The following VPS13B variants were observed in gnomAD, a reference collection of about 807,000 sequenced individuals.
The protein encoded by VPS13B is vacuolar protein sorting 13 homolog B, also known as intermembrane lipid transfer protein VPS13B.
In VPS13B, 285 loss-of-function variants were observed where a neutral mutation model predicts 426.4. That is an observed-to-expected ratio of 0.67 (90% CI 0.61 to 0.74). VPS13B has a LOEUF of 0.74. Among genes scored for constraint, VPS13B ranks in the 30% least tolerant of loss-of-function variants. VPS13B has a pLI of 0.00. For missense variants in VPS13B, 4,537 were observed against 4,782.6 expected (o/e 0.95, Z 1.51); for synonymous variants, 1,676 against 1,676.4 (o/e 1.00, Z 0.01).
At chr8:99,197,842 ATGT>A (rs1335698692) in intron 17 of VPS13B, among the ~76,000 whole-genome samples, 1 of 152,082 alleles carries the variant, frequency 6.6e-6, no homozygotes, top group Non-Finnish European at 1.5e-5. Context: ...ATTTAGGAAC[ATGT>A]TGTTTAATTT....
chr8:99,024,540 C>T (rs1842046734), intron 2 of VPS13B, among the ~76,000 whole-genome samples: 1 of 152,122 alleles, frequency 6.6e-6, no homozygotes, highest in South Asian at 2.1e-4. Flanking sequence ...TTTCATGGCA[C>T]CATTGATTGG....
At chr8:99,065,413 A>G (rs1185173818) in intron 3 of VPS13B, among the ~76,000 whole-genome samples, 2 of 152,244 alleles carry the variant, frequency 1.3e-5, no homozygotes, top group African/African-American at 2.4e-5. Flanking sequence ...GACAAAAGCC[A>G]CATGATCGTC....
At chr8:99,029,470 C>G (rs1019693447) in intron 2 of VPS13B, among the ~76,000 whole-genome samples, 2 of 152,106 alleles carry the variant, frequency 1.3e-5, no homozygotes, top group Non-Finnish European at 2.9e-5. Flanking sequence ...CCACTGCACT[C>G]CAGCCTGGGC....
At chr8:99,779,180 T>C (rs1239273061) in intron 42 of VPS13B, 149 bp downstream of exon 42, 1 of 832,930 alleles carries the variant, frequency 1.2e-6, no homozygotes, top group African/African-American at 1.7e-5. Context: ...TGAGGCCTTC[T>C]CTGTTTTGGC....
intron 3 of VPS13B, among the ~76,000 whole-genome samples, chr8:99,083,234 G>T (rs1179570999): frequency 1.3e-5 from 2 of 152,180 alleles, no homozygotes; most frequent in Admixed American, 6.6e-5. Context: ...TTGTGAATGG[G>T]AGTTCACTCA....
chr8:99,037,527 A>G (rs1206933132), intron 2 of VPS13B, among the ~76,000 whole-genome samples: 1 of 152,162 alleles, frequency 6.6e-6, no homozygotes, highest in Non-Finnish European at 1.5e-5. Flanking sequence ...GTATTTAGGC[A>G]TATTGTTACT....
At chr8:99,136,897 C>G in intron 12 of VPS13B, 145 bp downstream of exon 12, 1 of 790,698 alleles carries the variant, frequency 1.3e-6, no homozygotes, top group Non-Finnish European at 2.2e-6. Flanking sequence ...ATTTTAACAT[C>G]ATGTTAGAAT....
chr8:99,180,270 A>G (rs1812873765), intron 16 of VPS13B, among the ~76,000 whole-genome samples: 1 of 152,142 alleles, frequency 6.6e-6, no homozygotes, highest in South Asian at 2.1e-4. Flanking sequence ...TTTGGCTCAT[A>G]TCGAGCAAGT....
chr8:99,013,668 T>C, intron 1 of VPS13B, 92 bp from the exon 2 acceptor site: 1 of 1,236,312 alleles, frequency 8.1e-7, no homozygotes, highest in Non-Finnish European at 1.2e-6. Context: ...ACGGCCGCTT[T>C]GGTGGGGACT....
chr8:99,791,831 ATTTTTTTGGC>A (rs1812552164), intron 43 of VPS13B, among the ~76,000 whole-genome samples: 1 of 151,534 alleles, frequency 6.6e-6, no homozygotes, highest in Non-Finnish European at 1.5e-5. Context: ...TGACTTTCCC[ATTTTTTTGGC>A]TTTGCCTTGA....
At chr8:99,051,100 G>C (rs373788214) in intron 3 of VPS13B, among the ~76,000 whole-genome samples, 1 of 151,966 alleles carries the variant, frequency 6.6e-6, no homozygotes, top group African/African-American at 2.4e-5. Context: ...CATGAAGTCC[G>C]TGCCCATGCC....
chr8:99,393,201 T>C (rs1463637749), intron 21 of VPS13B, among the ~76,000 whole-genome samples: 2 of 152,088 alleles, frequency 1.3e-5, no homozygotes, highest in Non-Finnish European at 2.9e-5. Context: ...ATAGAACTAT[T>C]TAGAATATGC....
intron 16 of VPS13B, among the ~76,000 whole-genome samples, chr8:99,178,060 T>C (rs988333811): frequency 2.0e-5 from 3 of 152,178 alleles, no homozygotes; most frequent in Non-Finnish European, 4.4e-5. Flanking sequence ...GCTTGGTTAG[T>C]AATTATTAAA....
intron 34 of VPS13B, among the ~76,000 whole-genome samples, chr8:99,658,312 A>T (rs1380761897): frequency 6.6e-6 from 1 of 152,154 alleles, no homozygotes; most frequent in Non-Finnish European, 1.5e-5. Context: ...AAACACTAAT[A>T]CTCAGAATAT....
chr8:99,814,550 A>C (rs1291621647), intron 44 of VPS13B, among the ~76,000 whole-genome samples: 1 of 152,186 alleles, frequency 6.6e-6, no homozygotes, highest in Non-Finnish European at 1.5e-5. Context: ...ATTATCAAGG[A>C]GTAATATCTT....
At chr8:99,552,805 C>A (rs758537439) in intron 30 of VPS13B, among the ~76,000 whole-genome samples, 3 of 151,854 alleles carry the variant, frequency 2.0e-5, no homozygotes, top group Admixed American at 6.6e-5. Flanking sequence ...ATATCAAGAC[C>A]AGGAAGTTGA....
At chr8:99,857,513 C>G (rs1816611836) in intron 56 of VPS13B, among the ~76,000 whole-genome samples, 1 of 152,206 alleles carries the variant, frequency 6.6e-6, no homozygotes, top group African/African-American at 2.4e-5. Flanking sequence ...CCCCAGCTCC[C>G]TCGCCTACTC....
chr8:99,409,173 A>G (rs910512537), intron 21 of VPS13B, among the ~76,000 whole-genome samples: 4 of 152,132 alleles, frequency 2.6e-5, no homozygotes, highest in African/African-American at 9.7e-5. Flanking sequence ...TTTGCTGATG[A>G]CATATCATGA....
chr8:99,823,782 G>C, intron 50 of VPS13B, 50 bp from the exon 51 acceptor site: 1 of 1,578,098 alleles, frequency 6.3e-7, no homozygotes, highest in Non-Finnish European at 8.7e-7. Context: ...AAGAGATTTT[G>C]ATATGCCTTA....
Sources: allele counts gnomAD v4.1 joint callset (sites outside exome capture counted in the v4.1 genomes callset), GRCh38; gene constraint gnomAD v4.1.1; transcripts MANE v1.5; gene names NCBI Gene and HGNC (gene_info 2026-07-23, HGNC 2026-07-21).